The following TMOD1 variants were observed in gnomAD, a reference collection of about 807,000 sequenced individuals.
TMOD1 encodes the protein tropomodulin-1.
TMOD1 carries 17 observed loss-of-function variants against 40.6 expected under a neutral mutation model. That is an observed-to-expected ratio of 0.42 (90% CI 0.29 to 0.63). The LOEUF (loss-of-function observed/expected upper bound fraction) is 0.63, where lower values mean the gene tolerates loss of function less well. Among genes scored for constraint, TMOD1 ranks in the 20% least tolerant of loss-of-function variants. The pLI, the probability that TMOD1 is intolerant of heterozygous loss-of-function variation, is 0.22. For missense variants in TMOD1, 391 were observed against 447.6 expected (o/e 0.87, Z 1.14); for synonymous variants, 181 against 175.0 (o/e 1.03, Z -0.27).
At chr9:97,546,694 C>T (rs1394887503) in intron 3 of TMOD1, among the ~76,000 whole-genome samples, 1 of 152,062 alleles carries the variant, frequency 6.6e-6, no homozygotes, top group African/African-American at 2.4e-5. Flanking sequence ...TTTGGGAGAC[C>T]GAGGCAGGCA....
Position 97,590,734 on chromosome 9 carries a change from T to G in TMOD1, c.871-557T>G, listed in dbSNP as rs554259533. ...GAATTGGGCTTTAGAAAGCTAACTT[T>G]GGCATTGTCAACTTACCATGTGATC... is the stretch of plus-strand genomic sequence containing the variant. On this transcript the variant is annotated intron_variant, in intron 8 of 9. Transcript: ENST00000259365. 6.6e-5 allele frequency among the ~76,000 whole-genome samples: 10 copies of G among 152,272 alleles called. No individual in the cohort carries two copies. The South Asian group carries it at 1.0e-3, about 16-fold the overall frequency.
intron 2 of TMOD1, among the ~76,000 whole-genome samples, chr9:97,527,756 C>G (rs775331937): frequency 6.6e-6 from 1 of 152,154 alleles, no homozygotes; most frequent in Non-Finnish European, 1.5e-5. Context: ...ATGCTGGGGA[C>G]ACATGGACTG....
rs535452838 is a variant in TMOD1, at chr9:97,546,317, G to A, written c.253G>A (p.Val85Ile). 13 of 1,613,970 alleles carry A rather than the reference G, an allele frequency of 8.1e-6. No individual in the cohort carries two copies. In the African/African-American group the frequency reaches 1.2e-4, roughly 15 times the overall value. ...AKEFKDREDL[V>I]PYTGEKRGKV... Reference sequence around the variant, plus strand: ...GGAGTTTAAGGACCGAGAAGATCTGGTCCCCTACACAGGGGAAAAACGAGG... The same window carrying A: ...GGAGTTTAAGGACCGAGAAGATCTGATCCCCTACACAGGGGAAAAACGAGG... Residue 85 changes from valine (V) to isoleucine (I), a missense_variant, in exon 3 of 10, where the codon GTC (valine) becomes ATC (isoleucine). Val to Ile is a conservative substitution (Grantham distance 29). Transcript: ENST00000259365.
chr9:97,583,210 AG>A (rs1400876042), intron 8 of TMOD1, among the ~76,000 whole-genome samples: 2 of 149,278 alleles, frequency 1.3e-5, no homozygotes, highest in Non-Finnish European at 3.0e-5. Context: ...TTTAGCATGA[AG>A]GGTTGTTGAA....
chr9:97,583,916 C>T (rs1382087432), intron 8 of TMOD1, among the ~76,000 whole-genome samples: 25 of 151,398 alleles, frequency 1.7e-4, no homozygotes, highest in Non-Finnish European at 2.2e-4. Flanking sequence ...GTCTTGCTAG[C>T]GGTCTATCAA....
rs1018799518 is a variant in TMOD1 at position 97,574,224 on chromosome 9, G to A, written c.870+5187G>A. ...GCTTGCGGGGAGGTGTGGAGGGAGA[G>A]GCGCCGGCGGGAACCAGGGCTGTGC... is the stretch of plus-strand genomic sequence containing the variant. On this transcript the variant is annotated intron_variant, in intron 8 of 9. Coordinates refer to ENST00000259365, the MANE Select transcript of TMOD1 (RefSeq NM_003275.4). 7.2e-4 allele frequency among the ~76,000 whole-genome samples: 109 copies of A among 152,072 alleles called. 3 individuals carry two copies. The highest frequency in any genetic ancestry group is 6.8e-4 in the Non-Finnish European group (46 of 67,972).
At chr9:97,564,335 C>T (rs1230207973) in intron 6 of TMOD1, among the ~76,000 whole-genome samples, 167 bp downstream of exon 6, 3 of 152,108 alleles carry the variant, frequency 2.0e-5, no homozygotes, top group Non-Finnish European at 4.4e-5. Context: ...AAATGGGAGC[C>T]TTTAAGAGGG....
intron 8 of TMOD1, among the ~76,000 whole-genome samples, chr9:97,586,336 C>G (rs1190142118): frequency 6.6e-6 from 1 of 152,120 alleles, no homozygotes; most frequent in Non-Finnish European, 1.5e-5. Flanking sequence ...GGGTCAGGGA[C>G]CCACTTGAGG....
At chr9:97,554,229 A>G in intron 4 of TMOD1, among the ~76,000 whole-genome samples, 1 of 151,718 alleles carries the variant, frequency 6.6e-6, no homozygotes, top group Non-Finnish European at 1.5e-5. Context: ...GGCAGGGGAG[A>G]GGGTAGAAGG....
Position 97,546,200 on chromosome 9 carries a change from G to C in TMOD1, c.136G>C (p.Ala46Pro), listed in dbSNP as rs759813492. 6.2e-7 allele frequency: 1 copy of C among 1,612,778 alleles called. No homozygotes were observed. Among genetic ancestry groups the C allele is most frequent in the South Asian group, 1.1e-5 (1 of 90,980 alleles). Residue 46 changes from alanine to proline, a missense_variant, in exon 3 of 10, where the codon GCA (alanine) becomes CCA (proline). Coordinates refer to ENST00000259365, the MANE Select transcript of TMOD1 (RefSeq NM_003275.4). Reference protein sequence around the residue: ...ELDPDNALLPAGLRQKDQTTK... With the variant: ...ELDPDNALLPPGLRQKDQTTK... ...TCCAATGTAGAATGCACTGCTGCCT[G>C]CAGGCCTGAGGCAGAAGGATCAGAC...
At chr9:97,564,288 G>C in intron 6 of TMOD1, 120 bp downstream of exon 6, 1 of 1,340,000 alleles carries the variant, frequency 7.5e-7, no homozygotes, top group Non-Finnish European at 1.0e-6. Context: ...TTGGATTCTG[G>C]GTGTTTCTGC....
intron 8 of TMOD1, among the ~76,000 whole-genome samples, chr9:97,579,991 C>T (rs1028620509): frequency 6.6e-6 from 1 of 151,832 alleles, no homozygotes; most frequent in African/African-American, 2.4e-5. Flanking sequence ...CACCAGGTAC[C>T]ATTATCAGAC....
chr9:97,584,851 T>G (rs902556546), intron 8 of TMOD1, among the ~76,000 whole-genome samples: 13 of 152,350 alleles, frequency 8.5e-5, no homozygotes, highest in African/African-American at 3.1e-4. Context: ...GTTTTCCATT[T>G]GCTTGGTAGA....
At chr9:97,587,449 G>C (rs1825904665) in intron 8 of TMOD1, among the ~76,000 whole-genome samples, 1 of 152,060 alleles carries the variant, frequency 6.6e-6, no homozygotes, top group Non-Finnish European at 1.5e-5. Flanking sequence ...TTGTGATTTT[G>C]ATTTGCATTT....
At chr9:97,581,104 A>C in intron 8 of TMOD1, among the ~76,000 whole-genome samples, 1 of 146,416 alleles carries the variant, frequency 6.8e-6, no homozygotes. Context: ...CTAACTCGTC[A>C]TCTAGCATTA....
intron 1 of TMOD1, among the ~76,000 whole-genome samples, chr9:97,517,322 C>T (rs1418863164): frequency 6.6e-6 from 1 of 150,844 alleles, no homozygotes; most frequent in Non-Finnish European, 1.5e-5. Context: ...TACACTCCAG[C>T]GTGGGTGATG....
chr9:97,508,057 TCACACACA>T (rs56669574), intron 1 of TMOD1, among the ~76,000 whole-genome samples: 3,833 of 132,056 alleles, frequency 0.029, 57 homozygotes, highest in African/African-American at 0.045. Flanking sequence ...TCTTCCTGAT[TCACACACA>T]CACACACACA....
chr9:97,588,999 C>T (rs1229509465), intron 8 of TMOD1, among the ~76,000 whole-genome samples: 7 of 151,276 alleles, frequency 4.6e-5, no homozygotes, highest in Non-Finnish European at 1.0e-4. Flanking sequence ...CGCCTGTAAT[C>T]CCAGCTACTC....
intron 8 of TMOD1, among the ~76,000 whole-genome samples, chr9:97,577,924 C>A (rs1227039230): frequency 2.0e-5 from 3 of 152,168 alleles, no homozygotes; most frequent in Admixed American, 2.0e-4. Flanking sequence ...AAATAAGTTA[C>A]TTGAAAAATA....
Sources: allele counts gnomAD v4.1 joint callset (sites outside exome capture counted in the v4.1 genomes callset), GRCh38; gene constraint gnomAD v4.1.1; transcripts MANE v1.5; gene names NCBI Gene and HGNC (gene_info 2026-07-23, HGNC 2026-07-21).